OR5V1: variants seen among roughly 807,000 people sequenced by gnomAD.
OR5V1 encodes the protein olfactory receptor 5V1.
For synonymous variants in OR5V1, 134 were observed against 143.2 expected (o/e 0.94, Z 0.46); for missense variants, 365 against 371.5 (o/e 0.98, Z 0.14).
In OR5V1 at chr6:29,368,617, T is replaced by C. The variant is rs1427146596; in HGVS notation, c.-83+15A>G. 1 of 152,180 alleles carries C rather than the reference T, an allele frequency of 6.6e-6. No homozygotes were observed. Among genetic ancestry groups the C allele is most frequent in the Non-Finnish European group, 1.5e-5 (1 of 68,024 alleles). 9.4% of individuals were successfully genotyped at this position (152,180 alleles called of 1,614,324 possible). The stretch of plus-strand genomic sequence containing the variant: ...GAAGCTATAGTTAAGCAATTAAAAA[T>C]ACTTACTCACTCACCTGTGATTGGA... On this transcript the variant is annotated intron_variant, in intron 1 of 1. Coordinates refer to ENST00000641768, the MANE Select transcript of OR5V1 (RefSeq NM_030876.6).
chr6:29,368,623 C>T lies in OR5V1; in HGVS notation c.-83+9G>A, dbSNP rs558303670. 2 of 152,256 alleles carry T rather than the reference C, an allele frequency of 1.3e-5. No individual in the cohort carries two copies. Among genetic ancestry groups the T allele is most frequent in the Admixed American group, 6.5e-5 (1 of 15,296 alleles). 9.4% of individuals were successfully genotyped at this position (152,256 alleles called of 1,614,324 possible). On this transcript the variant is annotated intron_variant, in intron 1 of 1. Transcript: ENST00000641768. Reference sequence around the variant, plus strand: ...ATAGTTAAGCAATTAAAAATACTTACTCACTCACCTGTGATTGGAGATATT... The same window carrying T: ...ATAGTTAAGCAATTAAAAATACTTATTCACTCACCTGTGATTGGAGATATT...
chr6:29,356,105 A>T lies in OR5V1; in HGVS notation c.91T>A (p.Phe31Ile). 6.2e-7 allele frequency: 1 copy of T among 1,613,808 alleles called. No individual in the cohort carries two copies. The highest frequency in any genetic ancestry group is 8.5e-7 in the Non-Finnish European group (1 of 1,179,856). Residue 31 changes from phenylalanine to isoleucine, a missense_variant, in exon 2 of 2, where the codon TTC becomes ATC. Coordinates refer to ENST00000641768, the MANE Select transcript of OR5V1 (RefSeq NM_030876.6). Reference protein sequence around the residue: ...NELQFLLFTIFFLTYFCTLGG... With the variant: ...NELQFLLFTIIFLTYFCTLGG... ...AAAGTACAGAAATAAGTCAGAAAGA[A>T]GATGGTGAATAGTAAAAACTGCAAT...
In OR5V1 at chr6:29,368,192, G is replaced by A. The variant is rs1166222449; in HGVS notation, c.-83+440C>T. Among the ~76,000 whole-genome samples the A allele has an allele frequency of 2.0e-5, 3 of 152,180 alleles. No individual in the cohort carries two copies. The East Asian group carries it at 5.8e-4, about 29-fold the overall frequency. ...AATCACATAGCAAACGTGAAAATCAGTGTGGCTAAAGCTCAATCAATAATA... is the reference window on the plus strand; with the variant it reads ...AATCACATAGCAAACGTGAAAATCAATGTGGCTAAAGCTCAATCAATAATA... On this transcript the variant is annotated intron_variant, in intron 1 of 1. Coordinates refer to ENST00000641768, the MANE Select transcript of OR5V1 (RefSeq NM_030876.6).
intron 1 of OR5V1, among the ~76,000 whole-genome samples, chr6:29,360,226 T>A (rs1333922139): frequency 6.6e-6 from 1 of 152,148 alleles, no homozygotes; most frequent in Non-Finnish European, 1.5e-5. Context: ...TCCTCCTCAC[T>A]GGGGAGGGCA....
rs1562923858 is a variant in OR5V1 at position 29,355,558 on chromosome 6, CA to C, written c.637del (p.Cys213ValfsTer9). 1 of 1,613,986 alleles carries C rather than the reference CA, an allele frequency of 6.2e-7. No homozygotes were observed. Among genetic ancestry groups the C allele is most frequent in the Non-Finnish European group, 8.5e-7 (1 of 1,179,924 alleles). On this transcript the variant is annotated frameshift_variant, in exon 2 of 2. Transcript: ENST00000641768. LOFTEE classifies it low-confidence loss of function (END_TRUNC). ...GVFIGWTPFL[C>X]IVLSYICIIS... ...TATGCAAATGTAGGAAAGTACGATA[CA>C]AAGGAAAGGAGTCCAACCAATGAAG... is the stretch of plus-strand genomic sequence containing the variant.
chr6:29,363,014 G>T (rs1369954639), intron 1 of OR5V1, among the ~76,000 whole-genome samples: 2 of 152,122 alleles, frequency 1.3e-5, no homozygotes, highest in African/African-American at 4.8e-5. Flanking sequence ...GCAGGAGCTG[G>T]TTATTTGAGA....
intron 1 of OR5V1, among the ~76,000 whole-genome samples, chr6:29,356,831 CA>C (rs1188069196): frequency 1.1e-4 from 16 of 152,036 alleles, no homozygotes; most frequent in African/African-American, 3.9e-4. Context: ...AATAGAGGAT[CA>C]AAAGTACCTA....
At chr6:29,363,049 T>C (rs1311858266) in intron 1 of OR5V1, among the ~76,000 whole-genome samples, 2 of 152,110 alleles carry the variant, frequency 1.3e-5, no homozygotes, top group Non-Finnish European at 2.9e-5. Flanking sequence ...GATAGACTGC[T>C]AGCCAGACTA....
intron 1 of OR5V1, among the ~76,000 whole-genome samples, chr6:29,358,691 C>T (rs1395173019): frequency 1.3e-5 from 2 of 152,054 alleles, no homozygotes; most frequent in African/African-American, 4.8e-5. Flanking sequence ...GTGAAATGAG[C>T]CAGGCACAGA....
In OR5V1 at chr6:29,355,417, A is replaced by G; in HGVS notation, c.779T>C (p.Val260Ala). 1.9e-6 allele frequency: 3 copies of G among 1,614,022 alleles called. No homozygotes were observed. The highest frequency in any genetic ancestry group is 2.5e-6 in the Non-Finnish European group (3 of 1,179,898). Residue 260 changes from valine to alanine, a missense_variant, in exon 2 of 2, where the codon GTA becomes GCA. By Grantham distance (64) the Val-to-Ala change is moderately conservative. Transcript: ENST00000641768. The stretch of plus-strand genomic sequence containing the variant: ...TAATGAGTAAGTTGAGATGGGCCGT[A>G]CATATGTAAAGATGGCGCTGCCATA... ...LFYGSAIFTY[V>A]RPISTYSLKK...
intron 1 of OR5V1, among the ~76,000 whole-genome samples, chr6:29,358,484 A>G (rs1778420103): frequency 6.6e-6 from 1 of 152,246 alleles, no homozygotes; most frequent in Admixed American, 6.5e-5. Context: ...AATTGAAATC[A>G]GTATCTCAAA....
At chr6:29,362,351 C>G (rs1219718470) in intron 1 of OR5V1, among the ~76,000 whole-genome samples, 1 of 152,126 alleles carries the variant, frequency 6.6e-6, no homozygotes, top group Non-Finnish European at 1.5e-5. Context: ...GACTTTAACA[C>G]TCCACTGTCA....
At chr6:29,358,292 T>TA (rs1195421780) in intron 1 of OR5V1, among the ~76,000 whole-genome samples, 1 of 152,178 alleles carries the variant, frequency 6.6e-6, no homozygotes, top group African/African-American at 2.4e-5. Flanking sequence ...TTAACCCTTC[T>TA]ACTCATTTTA....
chr6:29,359,607 G>C (rs1562928746), intron 1 of OR5V1, among the ~76,000 whole-genome samples: 1 of 152,150 alleles, frequency 6.6e-6, no homozygotes, highest in Non-Finnish European at 1.5e-5. Context: ...TCCAACTGAG[G>C]TACCAGTTAG....
rs755645105 is a variant in OR5V1, at chr6:29,356,113, A to G, written c.83T>C (p.Phe28Ser). The G allele has an allele frequency of 4.3e-6, 7 of 1,613,228 alleles. No individual in the cohort carries two copies. In the East Asian group the frequency reaches 1.6e-4, roughly 36 times the overall value. The change falls in exon 2 of 2, where the codon TTC becomes TCC. Residue 28 changes from phenylalanine to serine, a missense_variant. Physicochemically the swap from Phe to Ser is radical, Grantham distance 155. Transcript: ENST00000641768. Reference sequence around the variant, plus strand: ...GAAATAAGTCAGAAAGAAGATGGTGAATAGTAAAAACTGCAATTCATTTAG... The same window carrying G: ...GAAATAAGTCAGAAAGAAGATGGTGGATAGTAAAAACTGCAATTCATTTAG... ...SNLNELQFLL[F>S]TIFFLTYFCT...
chr6:29,367,752 G>A (rs1778921884), intron 1 of OR5V1, among the ~76,000 whole-genome samples: 1 of 152,084 alleles, frequency 6.6e-6, no homozygotes, highest in African/African-American at 2.4e-5. Context: ...GGTCATTGTT[G>A]CCTCTCATAG....
At chr6:29,358,861 T>G (rs1293759198) in intron 1 of OR5V1, among the ~76,000 whole-genome samples, 1 of 152,200 alleles carries the variant, frequency 6.6e-6, no homozygotes, top group Non-Finnish European at 1.5e-5. Flanking sequence ...AGAAGTAACT[T>G]CTAATGATTT....
In OR5V1 at chr6:29,354,159, T is replaced by G. The variant is rs1467823788; in HGVS notation, c.*1071A>C. 1 of 152,106 alleles carries G rather than the reference T, an allele frequency of 6.6e-6. No individual in the cohort carries two copies. Among genetic ancestry groups the G allele is most frequent in the Non-Finnish European group, 1.5e-5 (1 of 67,972 alleles). 9.4% of individuals were successfully genotyped at this position (152,106 alleles called of 1,614,324 possible). On this transcript the variant is annotated 3_prime_UTR_variant, in exon 2 of 2. Transcript: ENST00000641768. ...CTAGACAACTTGTATCTACCTGATC[T>G]ATAAGCCTTTTTCTATCTCTCTTTC...
intron 1 of OR5V1, among the ~76,000 whole-genome samples, chr6:29,358,578 A>C (rs1375437017): frequency 1.3e-5 from 2 of 152,198 alleles, no homozygotes; most frequent in Admixed American, 6.5e-5. Flanking sequence ...TAGATGAATG[A>C]CTAAAGAAAT....
Sources: gnomAD v4.1 joint callset for allele counts (sites outside exome capture counted in the v4.1 genomes callset) on GRCh38, gnomAD v4.1.1 for gene constraint, MANE v1.5 for transcripts, NCBI Gene and HGNC (gene_info 2026-07-23, HGNC 2026-07-21) for gene names.